STOX2: variants seen among roughly 807,000 people sequenced by gnomAD.
STOX2 encodes storkhead-box protein 2.
Under a neutral mutation model 60.9 loss-of-function variants are expected in STOX2, and 28 were observed. The ratio of observed to expected loss-of-function variants is 0.46; its 90% CI spans 0.34 to 0.63. The LOEUF is 0.63. Among genes scored for constraint, STOX2 ranks in the 30% least tolerant of loss-of-function variants. The pLI, the probability that STOX2 is intolerant of heterozygous loss-of-function variation, is 0.01. For synonymous variants in STOX2, 472 were observed against 463.9 expected, an observed-to-expected ratio of 1.02 and a Z score of -0.22; for missense variants, 1,024 against 1,187.7, an observed-to-expected ratio of 0.86 and a Z score of 2.03.
intron 1 of STOX2, among the ~76,000 whole-genome samples, chr4:183,835,369 GC>G (rs1739680757): frequency 6.6e-6 from 1 of 151,512 alleles, no homozygotes; most frequent in Non-Finnish European, 1.5e-5. Flanking sequence ...GACTACAGGC[GC>G]CCACCACCAC....
intron 1 of STOX2, among the ~76,000 whole-genome samples, chr4:183,922,456 C>G (rs938851623): frequency 2.0e-5 from 3 of 151,628 alleles, no homozygotes; most frequent in Non-Finnish European, 4.4e-5. Flanking sequence ...AAGCAATTCT[C>G]TGCCTCAGCC....
At chr4:183,857,158 T>C (rs1242893928) in intron 1 of STOX2, among the ~76,000 whole-genome samples, 1 of 151,958 alleles carries the variant, frequency 6.6e-6, no homozygotes, top group South Asian at 2.1e-4. Flanking sequence ...CAGGACTGGT[T>C]ATCCTGCAGG....
chr4:183,805,819 T>C (rs557407458), intron 1 of STOX2, among the ~76,000 whole-genome samples: 1 of 152,136 alleles, frequency 6.6e-6, no homozygotes, highest in East Asian at 1.9e-4. Context: ...TCTAAATAAA[T>C]ACAAAAAGTA....
At chr4:183,880,566 A>G (rs1740936845) in intron 1 of STOX2, among the ~76,000 whole-genome samples, 1 of 152,230 alleles carries the variant, frequency 6.6e-6, no homozygotes, top group Admixed American at 6.5e-5. Context: ...TCTACATTCA[A>G]CATGTCCAGA....
rs536846028 is a variant in STOX2 at position 183,895,679 on chromosome 4, T to C, written c.364+97624T>C. Among the ~76,000 whole-genome samples the C allele has an allele frequency of 2.7e-4, 41 of 152,372 alleles. 1 individual carries two copies. The South Asian group carries it at 8.1e-3, about 30-fold the overall frequency. On this transcript the variant is annotated intron_variant, in intron 1 of 2. Coordinates refer to the STOX2 transcript ENST00000513034. ...TGTTTTTGTTGCTATTTTATTGTTT[T>C]ATTTTTGAATTTTGGTACCCCAGTA...
chr4:183,993,854 T>C (rs1733215899), intron 1 of STOX2, among the ~76,000 whole-genome samples: 1 of 152,144 alleles, frequency 6.6e-6, no homozygotes, highest in Non-Finnish European at 1.5e-5. Flanking sequence ...CGCAGGAGCA[T>C]GTGAGGTAAT....
At position 183,806,888 on chromosome 4, in the gene STOX2, A is replaced by G. The variant is rs375207742; in HGVS notation, c.364+8833A>G. 3.2e-4 allele frequency among the ~76,000 whole-genome samples: 48 copies of G among 152,172 alleles called. 1 individual carries two copies. In the East Asian group the frequency reaches 7.5e-3, roughly 24 times the overall value. On this transcript the variant is annotated intron_variant, in intron 1 of 2. Transcript: ENST00000513034. This position sits in a 1 kb window ranked among gnomAD's most constrained non-coding sequence, Gnocchi z 4.1. ...CTTCAGAGATTCCAGACTCCCCCGCATGCACTGCCCCCACGGCCCCACAGC... is the reference window on the plus strand; with the variant it reads ...CTTCAGAGATTCCAGACTCCCCCGCGTGCACTGCCCCCACGGCCCCACAGC...
At chr4:183,835,207 T>C (rs1739675462) in intron 1 of STOX2, among the ~76,000 whole-genome samples, 3 of 151,700 alleles carry the variant, frequency 2.0e-5, no homozygotes, top group African/African-American at 7.3e-5. Flanking sequence ...GACTTCATCA[T>C]AGTGTCTGGC....
intron 1 of STOX2, among the ~76,000 whole-genome samples, chr4:183,980,209 A>T (rs1732601317): frequency 6.6e-6 from 1 of 152,174 alleles, no homozygotes; most frequent in African/African-American, 2.4e-5. Context: ...CCATGAGGTG[A>T]TATAGGGAGG....
chr4:183,833,753 C>T (rs4862258), intron 1 of STOX2, among the ~76,000 whole-genome samples: 5,127 of 147,528 alleles, frequency 0.035, 147 homozygotes, highest in East Asian at 0.12. Context: ...GAGGCCGAGG[C>T]GGGCGGATCA....
At chr4:183,990,119 G>A (rs1054277252) in intron 1 of STOX2, among the ~76,000 whole-genome samples, 8 of 152,176 alleles carry the variant, frequency 5.3e-5, no homozygotes, top group African/African-American at 1.9e-4. Flanking sequence ...GAGCAACGTT[G>A]AGGATGCTGA....
At chr4:183,990,069 T>G (rs1733032514) in intron 1 of STOX2, among the ~76,000 whole-genome samples, 1 of 152,234 alleles carries the variant, frequency 6.6e-6, no homozygotes, top group Non-Finnish European at 1.5e-5. Context: ...TTCTCCACTG[T>G]CAGAGGTCTC....
At chr4:183,828,382 C>T (rs1463702144) in intron 1 of STOX2, among the ~76,000 whole-genome samples, 2 of 152,090 alleles carry the variant, frequency 1.3e-5, no homozygotes, top group Non-Finnish European at 2.9e-5. Flanking sequence ...ATGGGTGTGG[C>T]TCGGGGGATG....
chr4:183,823,435 A>G (rs1412782371), intron 1 of STOX2, among the ~76,000 whole-genome samples: 1 of 152,140 alleles, frequency 6.6e-6, no homozygotes, highest in Non-Finnish European at 1.5e-5. Context: ...AAAACCCCCA[A>G]CTATCATCTG....
chr4:183,977,643 A>G (rs1185548731), intron 1 of STOX2, among the ~76,000 whole-genome samples: 1 of 151,734 alleles, frequency 6.6e-6, no homozygotes, highest in Non-Finnish European at 1.5e-5. Flanking sequence ...TAGTGGTGCA[A>G]TAAACATACA....
intron 1 of STOX2, among the ~76,000 whole-genome samples, chr4:183,970,914 T>C (rs1451451354): frequency 6.6e-6 from 1 of 152,236 alleles, no homozygotes; most frequent in African/African-American, 2.4e-5. Flanking sequence ...CTATTATCAG[T>C]AAACTGCCCT....
chr4:183,934,757 C>T (rs1366026873), intron 1 of STOX2, among the ~76,000 whole-genome samples: 1 of 152,128 alleles, frequency 6.6e-6, no homozygotes, highest in Admixed American at 6.5e-5. Flanking sequence ...TTCAAAGAAT[C>T]AATATGCATC....
chr4:183,975,834 A>G (rs971652941), intron 1 of STOX2, among the ~76,000 whole-genome samples: 1 of 152,234 alleles, frequency 6.6e-6, no homozygotes, highest in Non-Finnish European at 1.5e-5. Context: ...AGCCAGCATT[A>G]TCCTGGTTAC....
chr4:184,006,876 C>T (rs1356153189), intron 2 of STOX2, among the ~76,000 whole-genome samples: 7 of 149,878 alleles, frequency 4.7e-5, no homozygotes, highest in Middle Eastern at 3.5e-3. Flanking sequence ...ATTAGCTGGG[C>T]GTAGTGGCGG....
Sources: gnomAD v4.1 joint callset for allele counts (sites outside exome capture counted in the v4.1 genomes callset) on GRCh38, gnomAD v4.1.1 for gene constraint, Gnocchi (gnomAD v3.1) non-coding constraint, MANE v1.5 for transcripts, NCBI Gene and HGNC (gene_info 2026-07-23, HGNC 2026-07-21) for gene names.